Variants in VEPH1 observed in about 807,000 individuals in gnomAD.
VEPH1 encodes the protein ventricular zone-expressed PH domain-containing protein homolog 1.
Under a neutral mutation model 85.2 loss-of-function variants are expected in VEPH1, and 80 were observed. The observed-to-expected ratio is 0.94, with a 90% CI of 0.78 to 1.13. VEPH1 has a LOEUF of 1.13. Ranked by LOEUF, VEPH1 falls within the 50% of genes most tolerant of loss-of-function variation. The pLI is 0.00. For synonymous variants in VEPH1, 297 were observed against 348.0 expected (o/e 0.85, Z 1.63); for missense variants, 955 against 980.5 (o/e 0.97, Z 0.35).
At chr3:157,447,594 C>CT (rs10719525) in intron 4 of VEPH1, among the ~76,000 whole-genome samples, 4,345 of 133,086 alleles carry the variant, frequency 0.033, 216 homozygotes, top group African/African-American at 0.1. Flanking sequence ...TGCTTCCAAT[C>CT]TTTTTTTTTT....
chr3:157,349,417 G>A (rs933869027), intron 9 of VEPH1, among the ~76,000 whole-genome samples: 6 of 152,166 alleles, frequency 3.9e-5, no homozygotes, highest in African/African-American at 1.4e-4. Flanking sequence ...CGAACCCACA[G>A]TTAATGTCTT....
intron 11 of VEPH1, among the ~76,000 whole-genome samples, chr3:157,310,580 A>C (rs1038945553): frequency 6.6e-6 from 1 of 152,208 alleles, no homozygotes; most frequent in African/African-American, 2.4e-5. Context: ...ACTAACACCA[A>C]AATTTCAGTT....
At chr3:157,374,255 A>G (rs1439935082) in intron 7 of VEPH1, among the ~76,000 whole-genome samples, 1 of 152,300 alleles carries the variant, frequency 6.6e-6, no homozygotes, top group East Asian at 1.9e-4. Context: ...AGTGATCACC[A>G]TAGACCTCTC....
intron 4 of VEPH1, chr3:157,443,016 C>T (rs1734262023): frequency 6.4e-7 from 1 of 1,559,252 alleles, no homozygotes; most frequent in Non-Finnish European, 8.7e-7. Flanking sequence ...AAGAAAGAAA[C>T]TCACACTTAA....
chr3:157,490,992 G>A (rs909434215), intron 2 of VEPH1, among the ~76,000 whole-genome samples: 1 of 152,018 alleles, frequency 6.6e-6, no homozygotes. Flanking sequence ...TCTCAAAAAC[G>A]TAATTTGAGC....
chr3:157,289,663 C>T (rs1717229663), intron 11 of VEPH1, among the ~76,000 whole-genome samples: 1 of 152,198 alleles, frequency 6.6e-6, no homozygotes, highest in Non-Finnish European at 1.5e-5. Context: ...TCCTACTCAA[C>T]CTTCTTTACC....
intron 4 of VEPH1, chr3:157,436,664 G>C: frequency 3.3e-6 from 1 of 305,574 alleles, no homozygotes; most frequent in Non-Finnish European, 6.1e-6. Flanking sequence ...CAATTAATCT[G>C]ACTGCAGCGT....
chr3:157,382,840 GT>G (rs1728916615), intron 6 of VEPH1, among the ~76,000 whole-genome samples: 1 of 151,868 alleles, frequency 6.6e-6, no homozygotes, highest in African/African-American at 2.4e-5. Context: ...TTTTATTTCA[GT>G]ATCTTTTTGA....
At chr3:157,447,960 C>T (rs1018202390) in intron 4 of VEPH1, among the ~76,000 whole-genome samples, 1 of 151,856 alleles carries the variant, frequency 6.6e-6, no homozygotes, top group African/African-American at 2.4e-5. Context: ...ACAAAAACAA[C>T]CAGAACGATG....
intron 7 of VEPH1, among the ~76,000 whole-genome samples, chr3:157,380,203 C>T (rs1238992882): frequency 6.6e-6 from 1 of 152,178 alleles, no homozygotes; most frequent in Non-Finnish European, 1.5e-5. Flanking sequence ...TCAATAATTT[C>T]CTCATGGCCA....
At chr3:157,328,105 G>A (rs1164875463) in intron 9 of VEPH1, among the ~76,000 whole-genome samples, 1 of 152,172 alleles carries the variant, frequency 6.6e-6, no homozygotes, top group Non-Finnish European at 1.5e-5. Flanking sequence ...GTTGTTTAGG[G>A]TGACCGGCCA....
At chr3:157,474,706 A>T (rs1159964875) in intron 2 of VEPH1, among the ~76,000 whole-genome samples, 3 of 152,154 alleles carry the variant, frequency 2.0e-5, no homozygotes, top group Non-Finnish European at 4.4e-5. Context: ...TGCCTTAGCA[A>T]ATGAGTGGGC....
chr3:157,302,760 CT>C (rs145713239), intron 11 of VEPH1, among the ~76,000 whole-genome samples: 2,131 of 152,276 alleles, frequency 0.014, 39 homozygotes, highest in Non-Finnish European at 0.018. Context: ...ACAAAAAAAT[CT>C]AAGCTTCTTG....
chr3:157,373,258 T>C (rs1199244763), intron 7 of VEPH1, among the ~76,000 whole-genome samples: 1 of 152,190 alleles, frequency 6.6e-6, no homozygotes, highest in Non-Finnish European at 1.5e-5. Flanking sequence ...TACATCTGAA[T>C]CTACCCCAGG....
At position 157,431,044 on chromosome 3, in the gene VEPH1, C is replaced by T. The variant is rs147114841; in HGVS notation, c.530-2556G>A. On this transcript the variant is annotated intron_variant, in intron 4 of 13. Coordinates refer to ENST00000362010, the MANE Select transcript of VEPH1 (RefSeq NM_001167912.2). ...ATCTCATCTTGAATTGTAATCCTCA[C>T]GTGTCAAGGGAGGGACCTGGTGGGA... 9.2e-3 allele frequency among the ~76,000 whole-genome samples: 1,393 copies of T among 152,222 alleles called. 10 individuals are homozygous for T. The highest frequency in any genetic ancestry group is 0.015 in the Admixed American group (228 of 15,290).
At chr3:157,487,820 G>A (rs1339817190) in intron 2 of VEPH1, among the ~76,000 whole-genome samples, 2 of 152,104 alleles carry the variant, frequency 1.3e-5, no homozygotes, top group African/African-American at 4.8e-5. Context: ...ATTATCTCAA[G>A]AGGATAGAAA....
intron 4 of VEPH1, among the ~76,000 whole-genome samples, chr3:157,431,973 A>G (rs2109141446): frequency 6.6e-6 from 1 of 151,854 alleles, no homozygotes; most frequent in South Asian, 2.1e-4. Flanking sequence ...TCAGCCTCCC[A>G]AATAGCTGGG....
intron 11 of VEPH1, among the ~76,000 whole-genome samples, chr3:157,295,863 G>A (rs1234510195): frequency 1.3e-5 from 2 of 152,142 alleles, no homozygotes; most frequent in African/African-American, 4.8e-5. Context: ...GCTGAGGCTG[G>A]AGAATCGCTT....
At chr3:157,273,312 T>C (rs557183359) in intron 12 of VEPH1, among the ~76,000 whole-genome samples, 2 of 152,294 alleles carry the variant, frequency 1.3e-5, no homozygotes, top group African/African-American at 4.8e-5. Flanking sequence ...GTCTCAATTA[T>C]TGAGATGCAG....
Sources: gnomAD v4.1 joint callset for allele counts (sites outside exome capture counted in the v4.1 genomes callset) on GRCh38, gnomAD v4.1.1 for gene constraint, MANE v1.5 for transcripts, NCBI Gene and HGNC (gene_info 2026-07-23, HGNC 2026-07-21) for gene names.